ANKFY1: variants seen among roughly 807,000 people sequenced by gnomAD.
The protein encoded by ANKFY1 is ankyrin repeat and FYVE domain-containing protein 1.
Under a neutral mutation model 128.3 loss-of-function variants are expected in ANKFY1, and 47 were observed. That is an observed-to-expected ratio of 0.37 (90% CI 0.29 to 0.47). The LOEUF (loss-of-function observed/expected upper bound fraction) is 0.47. ANKFY1 is among the 20% of genes least tolerant of loss of function. ANKFY1 has a pLI of 1.00. For synonymous variants in ANKFY1, 553 were observed against 601.6 expected (o/e 0.92, Z 1.18); for missense variants, 1,222 against 1,510.6 (o/e 0.81, Z 3.17).
intron 3 of ANKFY1, among the ~76,000 whole-genome samples, chr17:4,233,516 T>A (rs930142413): frequency 7.2e-5 from 11 of 152,206 alleles, no homozygotes; most frequent in African/African-American, 2.4e-4. Flanking sequence ...TATCTACAAC[T>A]TTTAGTTATG....
chr17:4,254,612 G>A (rs1968018084), intron 1 of ANKFY1, among the ~76,000 whole-genome samples: 1 of 152,130 alleles, frequency 6.6e-6, no homozygotes, highest in South Asian at 2.1e-4. Flanking sequence ...GTTGTTTTAA[G>A]CCATCTAGCT....
At chr17:4,237,017 T>C (rs1966939086) in intron 2 of ANKFY1, among the ~76,000 whole-genome samples, 1 of 151,890 alleles carries the variant, frequency 6.6e-6, no homozygotes, top group Non-Finnish European at 1.5e-5. Context: ...GCACCTGTAA[T>C]CCCAGTTGGT....
chr17:4,263,760 G>A (rs1401825754), intron 1 of ANKFY1, 172 bp downstream of exon 1: 6 of 1,528,924 alleles, frequency 3.9e-6, no homozygotes, highest in Non-Finnish European at 5.2e-6. Flanking sequence ...TAGGAACCGC[G>A]CTCCGGACCC....
chr17:4,208,496 C>CA (rs745758612), intron 5 of ANKFY1, among the ~76,000 whole-genome samples: 12 of 152,198 alleles, frequency 7.9e-5, no homozygotes, highest in Non-Finnish European at 1.8e-4. Flanking sequence ...ATGGCAGTTA[C>CA]AAAATCAATT....
intron 1 of ANKFY1, among the ~76,000 whole-genome samples, chr17:4,255,261 T>TTG (rs1567982541): frequency 1.3e-5 from 2 of 150,444 alleles, no homozygotes; most frequent in African/African-American, 4.9e-5. Flanking sequence ...TTTTTTTTTT[T>TTG]TTTGAGACAA....
chr17:4,262,489 T>C (rs1260906345), intron 1 of ANKFY1, among the ~76,000 whole-genome samples: 1 of 152,132 alleles, frequency 6.6e-6, no homozygotes, highest in Non-Finnish European at 1.5e-5. Context: ...CTTGAACTCC[T>C]GGCCTCAAGC....
intron 3 of ANKFY1, among the ~76,000 whole-genome samples, chr17:4,231,331 A>G (rs1331341632): frequency 6.6e-5 from 10 of 152,084 alleles, no homozygotes; most frequent in Non-Finnish European, 2.9e-5. Flanking sequence ...GCCCATCTCT[A>G]TTAAACAATT....
At chr17:4,176,410 T>A (rs988757648) in intron 19 of ANKFY1, among the ~76,000 whole-genome samples, 1 of 152,222 alleles carries the variant, frequency 6.6e-6, no homozygotes, top group Non-Finnish European at 1.5e-5. Flanking sequence ...GTCTCAGCTC[T>A]GGACCTTGTT....
At position 4,167,790 on chromosome 17, in the gene ANKFY1, C is replaced by G; in HGVS notation, c.3499G>C (p.Gly1167Arg). The G allele has an allele frequency of 6.2e-7, 1 of 1,613,398 alleles. No homozygotes were observed. The highest frequency in any genetic ancestry group is 8.5e-7 in the Non-Finnish European group (1 of 1,179,582). The change falls in exon 25 of 25, where the codon GGG becomes CGG. Residue 1167 changes from glycine to arginine, a missense_variant. Transcript: ENST00000341657. The surrounding 1 kb of genome is among the most constrained non-coding windows in gnomAD (Gnocchi z 4.1). ...CTCCGGGGGGCTCACTAAGAAACCC[C>G]ACCCAGAGTCAGTACATCAAAACAA... ...NICFDVLTLG[G>R]VS
intron 8 of ANKFY1, among the ~76,000 whole-genome samples, chr17:4,197,148 A>G (rs947905605): frequency 1.3e-5 from 2 of 152,112 alleles, no homozygotes; most frequent in African/African-American, 2.4e-5. Flanking sequence ...ACACACAAAA[A>G]AAACCTCGAA....
At chr17:4,263,684 C>A (rs1047168056) in intron 1 of ANKFY1, 1 of 1,525,902 alleles carries the variant, frequency 6.6e-7, no homozygotes, top group South Asian at 1.2e-5. Context: ...GGCGCGGGAC[C>A]TGCCAGCCCG....
rs1433672668 is a variant in ANKFY1 at position 4,209,994 on chromosome 17, CACAA to C, written c.459-51_459-48del. On this transcript the variant is annotated intron_variant, in intron 4 of 24. Coordinates refer to ENST00000341657, the MANE Select transcript of ANKFY1 (RefSeq NM_001330063.2). Reference sequence around the variant, plus strand: ...GAGGAGTATTACTGGACAAATAATTCACAAACGAACAAACCAAAGCGATCATCTT... The same window carrying C: ...GAGGAGTATTACTGGACAAATAATTCACGAACAAACCAAAGCGATCATCTT... 2.5e-6 allele frequency: 4 copies of C among 1,568,794 alleles called. No homozygotes were observed. The African/African-American group carries it at 5.4e-5, about 21-fold the overall frequency.
rs374929577 is a variant in ANKFY1 at position 4,189,362 on chromosome 17, G to C, written c.1470+20C>G. 3 of 1,545,442 alleles carry C rather than the reference G, an allele frequency of 1.9e-6. No homozygotes were observed. The Admixed American group carries it at 5.7e-5, about 29-fold the overall frequency. ...TCCATAGATCAACACCATTTTCTCC[G>C]GCTGCCCTGTCACACTTACCCACTT... On this transcript the variant is annotated intron_variant, in intron 11 of 24. Coordinates refer to ENST00000341657, the MANE Select transcript of ANKFY1 (RefSeq NM_001330063.2).
chr17:4,195,055 G>A lies in ANKFY1; in HGVS notation c.1295C>T (p.Thr432Ile). The change falls in exon 10 of 25, where the codon ACT becomes ATT. Residue 432 changes from threonine (T) to isoleucine (I), a missense_variant. Thr to Ile is a moderately conservative substitution (Grantham distance 89). Transcript: ENST00000341657. The part of the protein sequence containing the change: ...PFEDVPVVNG[T>I]SFDENSFAAR... ...TGCAAAGCTGTTCTCATCAAATGAA[G>A]TCCCATTTACCACGGGGACATCTTC... 1 of 1,614,222 alleles carries A rather than the reference G, an allele frequency of 6.2e-7. No individual in the cohort carries two copies. Among genetic ancestry groups the A allele is most frequent in the Non-Finnish European group, 8.5e-7 (1 of 1,180,048 alleles).
intron 20 of ANKFY1, 111 bp from the exon 21 acceptor site, chr17:4,173,555 A>T: frequency 2.0e-6 from 2 of 988,280 alleles, no homozygotes; most frequent in Non-Finnish European, 3.1e-6. Context: ...CACAGCAGCG[A>T]CTGGCCACGC....
chr17:4,252,553 A>C (rs1567980441), intron 1 of ANKFY1, among the ~76,000 whole-genome samples: 1 of 151,818 alleles, frequency 6.6e-6, no homozygotes, highest in African/African-American at 2.4e-5. Flanking sequence ...TGGGTAACAA[A>C]AAACAAACAA....
intron 1 of ANKFY1, chr17:4,263,461 C>CG: frequency 3.3e-6 from 4 of 1,225,944 alleles, no homozygotes; most frequent in Non-Finnish European, 4.4e-6. Flanking sequence ...GCTGCTGCCT[C>CG]GCCCCCACCC....
Position 4,169,313 on chromosome 17 carries a change from T to A in ANKFY1, c.3287-25A>T. On this transcript the variant is annotated intron_variant, in intron 23 of 24. Coordinates refer to ENST00000341657, the MANE Select transcript of ANKFY1 (RefSeq NM_001330063.2). The surrounding 1 kb of genome is among the most constrained non-coding windows in gnomAD (Gnocchi z 5.0). ...TCTGCAACACAGGGGGGAGGCCCGG[T>A]CCCGTCAAACCGCGACGGCGCCACG... is the stretch of plus-strand genomic sequence containing the variant. 1 of 1,531,028 alleles carries A rather than the reference T, an allele frequency of 6.5e-7. No individual in the cohort carries two copies. Among genetic ancestry groups the A allele is most frequent in the Non-Finnish European group, 8.8e-7 (1 of 1,131,386 alleles). The allele number at this position is 1,531,028 out of a possible 1,614,324, so 94.8% of individuals were successfully genotyped here.
At chr17:4,248,969 T>C (rs1468726262) in intron 1 of ANKFY1, 3 of 178,014 alleles carry the variant, frequency 1.7e-5, no homozygotes, top group Non-Finnish European at 2.2e-5. Flanking sequence ...TTCTTTCTGA[T>C]AGTTCATCAC....
Sources: allele counts gnomAD v4.1 joint callset (sites outside exome capture counted in the v4.1 genomes callset), GRCh38; gene constraint gnomAD v4.1.1; non-coding constraint Gnocchi (gnomAD v3.1); transcripts MANE v1.5; gene names NCBI Gene and HGNC (gene_info 2026-07-23, HGNC 2026-07-21).